OPCML: variants seen among roughly 807,000 people sequenced by gnomAD.
OPCML encodes opioid binding protein/cell adhesion molecule like.
A neutral mutation model predicts 37.8 loss-of-function variants in OPCML; 13 were observed. The ratio of observed to expected loss-of-function variants is 0.34; its 90% CI spans 0.22 to 0.55. The LOEUF is 0.55. Ranked by LOEUF, OPCML falls within the 20% of genes least tolerant of loss-of-function variation. The pLI, the probability that OPCML is intolerant of heterozygous loss-of-function variation, is 0.91. For missense variants in OPCML, 341 were observed against 435.6 expected (o/e 0.78, Z 1.93); for synonymous variants, 176 against 168.8 (o/e 1.04, Z -0.33).
At chr11:133,051,278 G>C (rs935401257) in intron 1 of OPCML, among the ~76,000 whole-genome samples, 5 of 152,152 alleles carry the variant, frequency 3.3e-5, no homozygotes. Context: ...TAGCGTCTGT[G>C]AAGTAGTACT....
intron 3 of OPCML, among the ~76,000 whole-genome samples, chr11:132,599,891 T>C (rs1937733640): frequency 6.6e-6 from 1 of 152,218 alleles, no homozygotes; most frequent in African/African-American, 2.4e-5. Context: ...CAGGTTATTT[T>C]CTGGGACGCT....
At chr11:133,430,087 G>A (rs1490602972) in intron 1 of OPCML, among the ~76,000 whole-genome samples, 1 of 152,076 alleles carries the variant, frequency 6.6e-6, no homozygotes, top group Non-Finnish European at 1.5e-5. Context: ...AGGAGGTTGT[G>A]GTGATGAAAC....
At chr11:133,115,740 ATAATT>A (rs1409846833) in intron 1 of OPCML, among the ~76,000 whole-genome samples, 2 of 152,166 alleles carry the variant, frequency 1.3e-5, no homozygotes, top group Non-Finnish European at 2.9e-5. Context: ...TTATTTATAT[ATAATT>A]TAAACTTAGA....
Position 132,672,220 on chromosome 11 carries a change from G to C in OPCML, c.147-14901C>G, listed in dbSNP as rs550404277. ...TCCCCTTCTACTCAAATTAACTGTG[G>C]GAAAGCAAAGCACAGCCTGGTTAAG... On this transcript the variant is annotated intron_variant, in intron 2 of 7. Transcript: ENST00000524381. Among the ~76,000 whole-genome samples, 8 of 152,262 alleles carry C rather than the reference G, an allele frequency of 5.3e-5. No homozygotes were observed. In the South Asian group the frequency reaches 1.7e-3, roughly 32 times the overall value.
At chr11:133,481,695 G>A (rs1023598767) in intron 1 of OPCML, among the ~76,000 whole-genome samples, 4 of 152,130 alleles carry the variant, frequency 2.6e-5, no homozygotes, top group African/African-American at 4.8e-5. Context: ...GTTAAGCCTC[G>A]AGAAACAGTT....
chr11:132,900,524 C>T (rs111953638), intron 2 of OPCML, among the ~76,000 whole-genome samples: 1 of 152,114 alleles, frequency 6.6e-6, no homozygotes, highest in Non-Finnish European at 1.5e-5. Flanking sequence ...AACAAACAAA[C>T]AAAACATTTT....
At chr11:133,057,734 G>A (rs1948266846) in intron 1 of OPCML, among the ~76,000 whole-genome samples, 1 of 152,006 alleles carries the variant, frequency 6.6e-6, no homozygotes, top group South Asian at 2.1e-4. Flanking sequence ...CTCTGTCATC[G>A]TCCCTTCATT....
chr11:132,951,026 C>T (rs1227001787), intron 1 of OPCML, among the ~76,000 whole-genome samples: 5 of 152,124 alleles, frequency 3.3e-5, no homozygotes, highest in Admixed American at 6.6e-5. Flanking sequence ...TGTGTGCCTG[C>T]GCTCTAGAGT....
At chr11:133,048,378 C>T (rs1398064256) in intron 1 of OPCML, among the ~76,000 whole-genome samples, 1 of 152,044 alleles carries the variant, frequency 6.6e-6, no homozygotes, top group Non-Finnish European at 1.5e-5. Context: ...CACTGTGCTG[C>T]ATTGGCCATC....
chr11:133,479,286 T>C (rs1947322556), intron 1 of OPCML, among the ~76,000 whole-genome samples: 1 of 152,148 alleles, frequency 6.6e-6, no homozygotes, highest in Non-Finnish European at 1.5e-5. Context: ...CAGAGGATTC[T>C]CACGCACAGT....
intron 4 of OPCML, among the ~76,000 whole-genome samples, chr11:132,500,986 G>A (rs973601525): frequency 1.3e-5 from 2 of 152,164 alleles, no homozygotes; most frequent in Non-Finnish European, 2.9e-5. Flanking sequence ...CCAAGTCTTT[G>A]CTATTGTGAA....
Position 132,912,127 on chromosome 11 carries a change from T to G in OPCML, c.146+30799A>C, listed in dbSNP as rs554817603. 6.7e-5 allele frequency among the ~76,000 whole-genome samples: 10 copies of G among 150,226 alleles called. No homozygotes were observed. The South Asian group carries it at 2.1e-3, about 32-fold the overall frequency. On this transcript the variant is annotated intron_variant, in intron 2 of 7. Transcript: ENST00000524381. ...AATAACATGGACTCTTTCTGACATATAAAAGAAATAAAGTCCTTCAAGACT... is the reference window on the plus strand; with the variant it reads ...AATAACATGGACTCTTTCTGACATAGAAAAGAAATAAAGTCCTTCAAGACT...
At chr11:132,461,796 A>C (rs138452554) in intron 4 of OPCML, among the ~76,000 whole-genome samples, 2,170 of 152,278 alleles carry the variant, frequency 0.014, 22 homozygotes, top group Non-Finnish European at 0.021. Context: ...GTCCTTCTTC[A>C]CATGATGGCA....
chr11:133,487,614 C>T (rs555464344), intron 1 of OPCML, among the ~76,000 whole-genome samples: 2 of 152,248 alleles, frequency 1.3e-5, no homozygotes, highest in South Asian at 4.1e-4. Context: ...CCTCCCCACA[C>T]CACTCTGCAC....
chr11:133,344,946 G>C (rs536927274), intron 1 of OPCML, among the ~76,000 whole-genome samples: 1 of 152,300 alleles, frequency 6.6e-6, no homozygotes, highest in East Asian at 1.9e-4. Context: ...TGCTAGCCAC[G>C]TCACATGCGG....
intron 1 of OPCML, among the ~76,000 whole-genome samples, chr11:133,000,841 C>T (rs1275040589): frequency 6.6e-6 from 1 of 152,124 alleles, no homozygotes; most frequent in Non-Finnish European, 1.5e-5. Context: ...CTCATGGGGG[C>T]GAGTTCTTCA....
At chr11:133,154,739 G>T (rs963782562) in intron 1 of OPCML, among the ~76,000 whole-genome samples, 1 of 152,084 alleles carries the variant, frequency 6.6e-6, no homozygotes, top group African/African-American at 2.4e-5. Flanking sequence ...CAGACTGAGA[G>T]GTGGCCAATA....
chr11:132,744,491 G>T (rs189329741), intron 2 of OPCML, among the ~76,000 whole-genome samples: 12 of 152,262 alleles, frequency 7.9e-5, no homozygotes, highest in African/African-American at 2.9e-4. Flanking sequence ...TCCACCTCTA[G>T]CCATGACCCA....
chr11:132,484,432 G>A (rs867026953), intron 4 of OPCML, among the ~76,000 whole-genome samples: 26 of 152,336 alleles, frequency 1.7e-4, no homozygotes, highest in South Asian at 1.0e-3. Context: ...GTGCTGGAGA[G>A]CTTGTGGAGA....
Sources: gnomAD v4.1 joint callset for allele counts (sites outside exome capture counted in the v4.1 genomes callset) on GRCh38, gnomAD v4.1.1 for gene constraint, MANE v1.5 for transcripts, NCBI Gene and HGNC (gene_info 2026-07-23, HGNC 2026-07-21) for gene names.